DLG2: variants seen among roughly 807,000 people sequenced by gnomAD.
The protein encoded by DLG2 is discs large MAGUK scaffold protein 2.
Under a neutral mutation model 132.5 loss-of-function variants are expected in DLG2, and 45 were observed. The observed-to-expected ratio is 0.34, with a 90% confidence interval of 0.27 to 0.44. The LOEUF is 0.44. Ranked by LOEUF, DLG2 falls within the 20% of genes least tolerant of loss-of-function variation. The probability of loss-of-function intolerance (pLI) is 1.00; values close to 1 mark genes in which losing one functional copy is unlikely to be tolerated. For missense variants in DLG2, 1,045 were observed against 1,196.9 expected (o/e 0.87, Z 1.87); for synonymous variants, 424 against 419.6 (o/e 1.01, Z -0.13).
At chr11:84,668,212 C>T (rs941883101) in intron 6 of DLG2, among the ~76,000 whole-genome samples, 1 of 152,082 alleles carries the variant, frequency 6.6e-6, no homozygotes, top group Non-Finnish European at 1.5e-5. Context: ...CCCAAAGTTC[C>T]TTTCTGAGTC....
intron 11 of DLG2, among the ~76,000 whole-genome samples, chr11:84,021,863 T>A (rs533655745): frequency 2.9e-4 from 44 of 152,126 alleles, no homozygotes; most frequent in Non-Finnish European, 4.7e-4. Context: ...TTCTCCTGCC[T>A]CAGCCTCCCA....
At chr11:85,400,422 C>T (rs1223199166) in intron 3 of DLG2, among the ~76,000 whole-genome samples, 1 of 143,188 alleles carries the variant, frequency 7.0e-6, no homozygotes, top group Non-Finnish European at 1.5e-5. Context: ...CCCAGCCATC[C>T]CATTACTGGG....
chr11:83,767,860 G>A (rs1566887829), intron 18 of DLG2, among the ~76,000 whole-genome samples: 1 of 152,070 alleles, frequency 6.6e-6, no homozygotes, highest in Non-Finnish European at 1.5e-5. Flanking sequence ...GTAGGTGTTA[G>A]TCCCTTTTCA....
intron 6 of DLG2, among the ~76,000 whole-genome samples, chr11:85,061,433 T>C (rs1306564723): frequency 6.6e-6 from 1 of 151,860 alleles, no homozygotes; most frequent in Non-Finnish European, 1.5e-5. Context: ...AGAAACAAAA[T>C]TTGCAACTTG....
intron 11 of DLG2, among the ~76,000 whole-genome samples, chr11:84,045,836 A>G (rs922913906): frequency 2.0e-5 from 3 of 151,676 alleles, no homozygotes; most frequent in Non-Finnish European, 4.4e-5. Flanking sequence ...TCTAAAGGAA[A>G]GAGTCCTGAA....
intron 6 of DLG2, among the ~76,000 whole-genome samples, chr11:85,066,352 G>A (rs1458618064): frequency 1.3e-5 from 2 of 151,566 alleles, no homozygotes; most frequent in African/African-American, 4.8e-5. Flanking sequence ...ATTCATAGCT[G>A]AATTTTACCA....
At chr11:84,237,610 G>A (rs1044965404) in intron 8 of DLG2, among the ~76,000 whole-genome samples, 1 of 152,118 alleles carries the variant, frequency 6.6e-6, no homozygotes, top group African/African-American at 2.4e-5. Context: ...TTCATGAAGA[G>A]GAAACTATAC....
intron 3 of DLG2, among the ~76,000 whole-genome samples, chr11:85,389,889 A>G (rs1019203754): frequency 6.6e-6 from 1 of 152,178 alleles, no homozygotes; most frequent in Non-Finnish European, 1.5e-5. Context: ...AATCCTTGAA[A>G]TACACCAAAA....
intron 7 of DLG2, among the ~76,000 whole-genome samples, chr11:84,253,914 A>G (rs545248679): frequency 6.4e-4 from 97 of 152,298 alleles, no homozygotes; most frequent in African/African-American, 2.2e-3. Context: ...TCAGCCCTAT[A>G]CTAGAGTACC....
At chr11:83,857,192 T>C (rs190947768) in intron 16 of DLG2, among the ~76,000 whole-genome samples, 95 of 152,290 alleles carry the variant, frequency 6.2e-4, no homozygotes, top group African/African-American at 2.1e-3. Flanking sequence ...GTGTCTGTTT[T>C]TGTGCCATGC....
chr11:83,522,807 C>T (rs1242091853), intron 21 of DLG2, among the ~76,000 whole-genome samples: 1 of 37,470 alleles, frequency 2.7e-5, no homozygotes, highest in Non-Finnish European at 6.2e-5. Context: ...TTTTAGAGCC[C>T]CCCCCCCCTT....
At chr11:85,257,143 T>A (rs1439971462) in intron 4 of DLG2, among the ~76,000 whole-genome samples, 1 of 152,198 alleles carries the variant, frequency 6.6e-6, no homozygotes, top group Non-Finnish European at 1.5e-5. Context: ...TTTCATGATA[T>A]CTAGTGATAC....
At chr11:83,651,928 CA>C in intron 18 of DLG2, 1 of 470,236 alleles carries the variant, frequency 2.1e-6, no homozygotes, top group South Asian at 1.6e-5. Flanking sequence ...GTGATATCGG[CA>C]CCTTTGCAGA....
chr11:85,289,936 C>G (rs187103121), intron 3 of DLG2, among the ~76,000 whole-genome samples: 195 of 152,232 alleles, frequency 1.3e-3, no homozygotes, highest in Middle Eastern at 0.01. Context: ...GTTGTTCACC[C>G]ACCTGTTTTC....
chr11:84,558,352 T>C (rs1178007935), intron 6 of DLG2, among the ~76,000 whole-genome samples: 1 of 152,174 alleles, frequency 6.6e-6, no homozygotes, highest in Non-Finnish European at 1.5e-5. Context: ...TCTTAGAAAG[T>C]TTATAAAGCA....
intron 18 of DLG2, among the ~76,000 whole-genome samples, chr11:83,706,216 T>TA (rs34352995): frequency 0.24 from 31,976 of 134,500 alleles, 3,669 homozygotes; most frequent in South Asian, 0.34. Context: ...AGACTCCATC[T>TA]AAAAAAAAAA....
At chr11:85,486,081 C>G (rs527983576) in intron 3 of DLG2, among the ~76,000 whole-genome samples, 2 of 152,314 alleles carry the variant, frequency 1.3e-5, no homozygotes, top group Non-Finnish European at 2.9e-5. Context: ...CCAGCCTTCC[C>G]TGGTGGTAGG....
intron 18 of DLG2, chr11:83,724,906 T>C: frequency 1.4e-6 from 1 of 702,498 alleles, no homozygotes; most frequent in South Asian, 1.5e-5. Context: ...AGGCAGCTGC[T>C]TCCCAAATTC....
intron 12 of DLG2, among the ~76,000 whole-genome samples, chr11:83,966,188 C>T (rs144365875): frequency 3.3e-4 from 50 of 152,026 alleles, no homozygotes; most frequent in African/African-American, 1.2e-3. Flanking sequence ...GCTTTTGATA[C>T]CTAGTGTGAA....
Sources: gnomAD v4.1 joint callset for allele counts (sites outside exome capture counted in the v4.1 genomes callset) on GRCh38, gnomAD v4.1.1 for gene constraint, MANE v1.5 for transcripts, NCBI Gene and HGNC (gene_info 2026-07-23, HGNC 2026-07-21) for gene names.